CPXM2: variants seen among roughly 807,000 people sequenced by gnomAD.
CPXM2 encodes inactive carboxypeptidase-like protein X2.
In CPXM2, 66 loss-of-function variants were observed where a neutral mutation model predicts 86.1. The observed-to-expected ratio is 0.77, with a 90% CI of 0.63 to 0.94. CPXM2 has a LOEUF of 0.94. Ranked by LOEUF, CPXM2 falls within the 40% of genes least tolerant of loss-of-function variation. The pLI, the probability that CPXM2 is intolerant of heterozygous loss-of-function variation, is 0.00. For synonymous variants in CPXM2, 388 were observed against 400.2 expected (o/e 0.97, Z 0.36); for missense variants, 948 against 1,026.3 (o/e 0.92, Z 1.04).
chr10:123,860,088 C>CAGT (rs1241464633), intron 3 of CPXM2, among the ~76,000 whole-genome samples: 2 of 152,208 alleles, frequency 1.3e-5, no homozygotes, highest in Non-Finnish European at 2.9e-5. Flanking sequence ...GGGGCTTACT[C>CAGT]ACAAGGAAGG....
At position 123,754,753 on chromosome 10, in the gene CPXM2, C is replaced by G. The variant is rs892035626; in HGVS notation, c.1927G>C (p.Gly643Arg). 1.3e-6 allele frequency: 2 copies of G among 1,594,320 alleles called. No individual in the cohort carries two copies. Among genetic ancestry groups the G allele is most frequent in the Non-Finnish European group, 1.7e-6 (2 of 1,161,922 alleles). ...GAATCTCTCACCAAGCCTTTAATGC[C>G]ACGATGAACCTGCTCAGCAAACATG... ...LIVFMEQVHRGIKGLVRDSHG... is the reference protein window; with the variant it reads ...LIVFMEQVHRRIKGLVRDSHG... Residue 643 changes from glycine (G) to arginine (R), a missense_variant, in exon 13 of 14, where the codon GGC becomes CGC. Coordinates refer to ENST00000241305, the MANE Select transcript of CPXM2 (RefSeq NM_198148.3). The surrounding 1 kb of genome is among the most constrained non-coding windows in gnomAD (Gnocchi z 4.0).
chr10:123,873,354 C>T (rs1286547973), intron 2 of CPXM2, among the ~76,000 whole-genome samples: 2 of 152,034 alleles, frequency 1.3e-5, no homozygotes, highest in East Asian at 1.9e-4. Context: ...TTTCTACAAG[C>T]GATATTAAAG....
intron 2 of CPXM2, among the ~76,000 whole-genome samples, chr10:123,867,260 TA>T (rs1944806697): frequency 6.6e-6 from 1 of 152,232 alleles, no homozygotes; most frequent in African/African-American, 2.4e-5. Context: ...AAGCCCATCT[TA>T]AAGACATATT....
intron 4 of CPXM2, among the ~76,000 whole-genome samples, chr10:123,812,932 T>C (rs1055843268): frequency 1.3e-5 from 2 of 152,136 alleles, no homozygotes; most frequent in African/African-American, 4.8e-5. Flanking sequence ...GCATGGCAGG[T>C]TCATGAGCAT....
At chr10:123,768,448 G>A (rs1219727) in intron 9 of CPXM2, 78 bp downstream of exon 9, 389,874 of 1,060,090 alleles carry the variant, frequency 0.37, 76,619 homozygotes, top group East Asian at 0.58. Context: ...ATTTTGCATA[G>A]CCCTAGGGCC....
At chr10:123,809,687 C>A (rs1431580136) in intron 4 of CPXM2, among the ~76,000 whole-genome samples, 1 of 151,894 alleles carries the variant, frequency 6.6e-6, no homozygotes, top group East Asian at 1.9e-4. Context: ...AGATGAAGAA[C>A]CTGAGACACA....
chr10:123,776,398 T>C (rs1372707238), intron 7 of CPXM2, among the ~76,000 whole-genome samples: 1 of 152,232 alleles, frequency 6.6e-6, no homozygotes, highest in Non-Finnish European at 1.5e-5. Context: ...AATCCCAGGC[T>C]CTGCTGCTTC....
chr10:123,841,185 G>A (rs1393807897), intron 4 of CPXM2, among the ~76,000 whole-genome samples: 2 of 152,116 alleles, frequency 1.3e-5, no homozygotes, highest in Non-Finnish European at 2.9e-5. Context: ...AGGTCCTGCT[G>A]ACCCTACTGC....
chr10:123,854,467 ATTT>A (rs1251561047), intron 3 of CPXM2, among the ~76,000 whole-genome samples: 2 of 132,612 alleles, frequency 1.5e-5, no homozygotes, highest in African/African-American at 5.9e-5. Flanking sequence ...TATAATATAT[ATTT>A]TATATATATT....
chr10:123,917,872 G>A (rs1170204169), intron 2 of CPXM2, among the ~76,000 whole-genome samples: 1 of 152,212 alleles, frequency 6.6e-6, no homozygotes, highest in Non-Finnish European at 1.5e-5. Flanking sequence ...CAGCTACTCT[G>A]TGCCAGACAT....
intron 11 of CPXM2, among the ~76,000 whole-genome samples, chr10:123,761,294 T>C (rs1397792835): frequency 6.6e-6 from 1 of 152,168 alleles, no homozygotes; most frequent in Non-Finnish European, 1.5e-5. Flanking sequence ...CAGGTATGAA[T>C]GGAACCGTCC....
In CPXM2 at chr10:123,746,743, A is replaced by C. The variant is rs1265260816; in HGVS notation, c.*21T>G. 5.0e-6 allele frequency: 8 copies of C among 1,612,414 alleles called. No homozygotes were observed. Among genetic ancestry groups the C allele is most frequent in the Non-Finnish European group, 6.8e-6 (8 of 1,179,240 alleles). ...GTTTAATTTGCATGGGTCCCAGACG[A>C]GTCTCAAGGGCCCAGGAGGGTCACC... On this transcript the variant is annotated 3_prime_UTR_variant, in exon 14 of 14. Coordinates refer to ENST00000241305, the MANE Select transcript of CPXM2 (RefSeq NM_198148.3).
chr10:123,819,692 T>C (rs1312602516), intron 4 of CPXM2, among the ~76,000 whole-genome samples: 5 of 152,202 alleles, frequency 3.3e-5, no homozygotes, highest in Non-Finnish European at 7.3e-5. Context: ...CAAAGGATAG[T>C]GGTATTATGT....
chr10:123,768,321 C>T (rs975312864), intron 9 of CPXM2: 32 of 260,408 alleles, frequency 1.2e-4, no homozygotes, highest in Admixed American at 2.1e-4. Context: ...TTGCAGTGAG[C>T]GGAGATCACG....
chr10:123,763,186 C>A (rs1357201473), intron 10 of CPXM2, among the ~76,000 whole-genome samples: 2 of 152,184 alleles, frequency 1.3e-5, no homozygotes, highest in African/African-American at 2.4e-5. Flanking sequence ...ACTCCAGGTG[C>A]ACACCACCAC....
chr10:123,914,833 T>C (rs1945521894), intron 2 of CPXM2, among the ~76,000 whole-genome samples: 1 of 152,140 alleles, frequency 6.6e-6, no homozygotes, highest in Non-Finnish European at 1.5e-5. Context: ...TCTCTCTTTC[T>C]CCCTGACAAC....
chr10:123,839,576 T>C (rs555983433), intron 4 of CPXM2, among the ~76,000 whole-genome samples: 81 of 152,204 alleles, frequency 5.3e-4, no homozygotes, highest in African/African-American at 1.9e-3. Flanking sequence ...GGAAGAAATA[T>C]GAAAACCAAA....
intron 4 of CPXM2, among the ~76,000 whole-genome samples, chr10:123,840,660 A>T (rs1397772019): frequency 6.6e-6 from 1 of 152,246 alleles, no homozygotes; most frequent in Non-Finnish European, 1.5e-5. Flanking sequence ...ATGGGGGGAA[A>T]AATCTGTTCG....
chr10:123,834,544 G>T (rs1460154028), intron 4 of CPXM2, among the ~76,000 whole-genome samples: 1 of 152,236 alleles, frequency 6.6e-6, no homozygotes, highest in Non-Finnish European at 1.5e-5. Flanking sequence ...AAAGTGCAAA[G>T]GCTCCAGGGC....
Sources: gnomAD v4.1 joint callset for allele counts (sites outside exome capture counted in the v4.1 genomes callset) on GRCh38, gnomAD v4.1.1 for gene constraint, Gnocchi (gnomAD v3.1) non-coding constraint, MANE v1.5 for transcripts, NCBI Gene and HGNC (gene_info 2026-07-23, HGNC 2026-07-21) for gene names.